Variants in FAM20C observed in about 807,000 individuals in gnomAD.
FAM20C encodes extracellular serine/threonine protein kinase FAM20C.
Under a neutral mutation model 51.5 loss-of-function variants are expected in FAM20C, and 40 were observed. The observed-to-expected ratio is 0.78, with a 90% CI of 0.60 to 1.01. FAM20C has a LOEUF of 1.01. FAM20C is among the 50% of genes least tolerant of loss of function. The pLI, the probability that FAM20C is intolerant of heterozygous loss-of-function variation, is 0.00. For missense variants in FAM20C, 861 were observed against 844.7 expected (o/e 1.02, Z -0.24); for synonymous variants, 406 against 380.6 (o/e 1.07, Z -0.78).
At chr7:226,683 C>T (rs1562382550) in intron 3 of FAM20C, among the ~76,000 whole-genome samples, 1 of 152,206 alleles carries the variant, frequency 6.6e-6, no homozygotes, top group African/African-American at 2.4e-5. Flanking sequence ...AGCCTCTGGC[C>T]TCTGAGGTCA....
At chr7:252,889 G>A (rs978553040) in intron 5 of FAM20C, among the ~76,000 whole-genome samples, 5 of 152,214 alleles carry the variant, frequency 3.3e-5, no homozygotes, top group South Asian at 2.1e-4. Context: ...GTAAGTTACC[G>A]TCTGCACGTT....
At chr7:226,880 A>T (rs1053295447) in intron 3 of FAM20C, among the ~76,000 whole-genome samples, 1 of 152,220 alleles carries the variant, frequency 6.6e-6, no homozygotes, top group Non-Finnish European at 1.5e-5. Flanking sequence ...GGAAATGAAT[A>T]AATGGTAAAA....
chr7:208,937 C>A lies in FAM20C; in HGVS notation c.824C>A (p.Thr275Asn), dbSNP rs1372873508. The change falls in exon 3 of 10, where the codon ACC (threonine) becomes AAC (asparagine). Residue 275 changes from threonine (T) to asparagine (N), a missense_variant. Thr to Asn is a moderately conservative substitution (Grantham distance 65). This residue lies in a region of FAM20C where 561 missense variants were observed against 499.8 expected (regional missense o/e 1.12). Transcript: ENST00000313766. Reference protein sequence around the residue: ...SGGTQLKLIMTFQNYGQALFK... With the variant: ...SGGTQLKLIMNFQNYGQALFK... ...GGCACGCAGCTGAAGCTCATCATGACCTTCCAGAATTACGGGCAAGCGCTG... is the reference window on the plus strand; with the variant it reads ...GGCACGCAGCTGAAGCTCATCATGAACTTCCAGAATTACGGGCAAGCGCTG... 2.5e-6 allele frequency: 4 copies of A among 1,585,348 alleles called. No homozygotes were observed. The highest frequency in any genetic ancestry group is 3.4e-6 in the Non-Finnish European group (4 of 1,165,850).
At chr7:236,083 G>A (rs1426563994) in intron 3 of FAM20C, among the ~76,000 whole-genome samples, 2 of 152,200 alleles carry the variant, frequency 1.3e-5, no homozygotes, top group Non-Finnish European at 2.9e-5. Context: ...CCAGGTGACC[G>A]CTTCGGCCGA....
chr7:214,964 T>C (rs28397017), intron 3 of FAM20C, among the ~76,000 whole-genome samples: 132,592 of 152,014 alleles, frequency 0.87, 58,123 homozygotes, highest in South Asian at 0.93. Flanking sequence ...GGAACACAGA[T>C]GTGACTCAGA....
chr7:224,491 G>A (rs1199816235), intron 3 of FAM20C, among the ~76,000 whole-genome samples: 1 of 5,276 alleles, frequency 1.9e-4, no homozygotes, highest in Non-Finnish European at 3.9e-4. Context: ...CACCGTCACG[G>A]GGGTCGCATG....
intron 6 of FAM20C, 87 bp downstream of exon 6, chr7:256,116 C>A: frequency 6.8e-7 from 1 of 1,460,888 alleles, no homozygotes; most frequent in Non-Finnish European, 9.1e-7. Flanking sequence ...TCGGCGCCCA[C>A]GGGGGTGGCA....
In FAM20C at chr7:193,127, C is replaced by T. The variant is rs889649159; in HGVS notation, c.-73C>T. The T allele has an allele frequency of 3.9e-5, 51 of 1,312,180 alleles. No homozygotes were observed. Among genetic ancestry groups the T allele is most frequent in the Non-Finnish European group, 4.7e-5 (48 of 1,014,646 alleles). 81.3% of individuals were successfully genotyped at this position (1,312,180 alleles called of 1,614,324 possible). A position where few individuals can be genotyped will look rare whatever the true frequency, so the allele number is the denominator to read the frequency against. On this transcript the variant is annotated 5_prime_UTR_variant, in exon 1 of 10. Coordinates refer to ENST00000313766, the MANE Select transcript of FAM20C (RefSeq NM_020223.4). ...GACCTTGACCCGCGAGGCGGCGCCG[C>T]GCTCGTGCCCAGCTGCAGCTAGAGG...
chr7:255,998 C>T lies in FAM20C; in HGVS notation c.1222C>T (p.Arg408Trp), dbSNP rs1377083279. The change falls in exon 6 of 10, where the codon CGG (arginine) becomes TGG (tryptophan). Residue 408 changes from arginine (R) to tryptophan (W), a missense_variant. Physicochemically the swap from Arg to Trp is moderately radical, Grantham distance 101. Coordinates refer to ENST00000313766, the MANE Select transcript of FAM20C (RefSeq NM_020223.4). The stretch of plus-strand genomic sequence containing the variant: ...GAGGAAGACCTGGCGGAACCCTTGG[C>T]GGCGTTCCTACCACAAGCGCAAGAA... ...AKRKTWRNPWRRSYHKRKKAE... is the reference protein window; with the variant it reads ...AKRKTWRNPWWRSYHKRKKAE... 3.9e-6 allele frequency: 6 copies of T among 1,535,992 alleles called. No individual in the cohort carries two copies. The highest frequency in any genetic ancestry group is 1.2e-5 in the South Asian group (1 of 84,058).
intron 3 of FAM20C, 140 bp downstream of exon 3, chr7:209,116 G>A (rs147652258): frequency 3.2e-5 from 26 of 813,632 alleles, no homozygotes; most frequent in South Asian, 7.8e-5. Context: ...AACTCTCCCC[G>A]TCATGGCAAA....
intron 3 of FAM20C, among the ~76,000 whole-genome samples, chr7:210,182 G>A (rs1368255098): frequency 6.6e-6 from 1 of 152,224 alleles, no homozygotes; most frequent in Non-Finnish European, 1.5e-5. Flanking sequence ...GAACGCACGG[G>A]AGCTGATCCG....
In FAM20C at chr7:211,550, G is replaced by A. The variant is rs369688351; in HGVS notation, c.863+2574G>A. On this transcript the variant is annotated intron_variant, in intron 3 of 9. Coordinates refer to ENST00000313766, the MANE Select transcript of FAM20C (RefSeq NM_020223.4). ...TGGTCCTGCAGCGGGCAGAGGTGGC[G>A]CCAGGCTCCAGAGCCCCCTCCCTAG... 4.3e-4 allele frequency among the ~76,000 whole-genome samples: 65 copies of A among 152,108 alleles called. No homozygotes were observed. In the East Asian group the frequency reaches 0.011, roughly 26 times the overall value.
At chr7:237,143 C>G (rs1313952335) in intron 3 of FAM20C, among the ~76,000 whole-genome samples, 1 of 152,206 alleles carries the variant, frequency 6.6e-6, no homozygotes, top group African/African-American at 2.4e-5. Context: ...GTTCTGTGAA[C>G]AGCCAGCGTC....
chr7:255,796 G>T, intron 5 of FAM20C, 53 bp from the exon 6 acceptor site: 1 of 1,531,868 alleles, frequency 6.5e-7, no homozygotes. Flanking sequence ...GAGACCACAG[G>T]TGAGGACGCA....
rs1054442210 is a variant in FAM20C, at chr7:231,706, G to A, written c.864-14709G>A. 5.3e-4 allele frequency among the ~76,000 whole-genome samples: 81 copies of A among 152,308 alleles called. 1 individual carries two copies. Among genetic ancestry groups the A allele is most frequent in the East Asian group, 3.9e-4 (2 of 5,182 alleles). On this transcript the variant is annotated intron_variant, in intron 3 of 9. Coordinates refer to ENST00000313766, the MANE Select transcript of FAM20C (RefSeq NM_020223.4). ...AGGAGCATCTGTGAGGGGCGCGTGC[G>A]TCTGGCTGAGTGGGCACCTGGCGGT...
At chr7:255,372 C>T (rs1009321224) in intron 5 of FAM20C, among the ~76,000 whole-genome samples, 1 of 152,152 alleles carries the variant, frequency 6.6e-6, no homozygotes, top group Non-Finnish European at 1.5e-5. Flanking sequence ...CCATCAGGGT[C>T]GTCTTTGGAG....
At position 246,370 on chromosome 7, in the gene FAM20C, C is replaced by T. The variant is rs990043780; in HGVS notation, c.864-45C>T. 4 of 1,495,606 alleles carry T rather than the reference C, an allele frequency of 2.7e-6. No individual in the cohort carries two copies. The African/African-American group carries it at 4.2e-5, about 16-fold the overall frequency. 92.6% of individuals were successfully genotyped at this position (1,495,606 alleles called of 1,614,324 possible). A position where few individuals can be genotyped will look rare whatever the true frequency, so the allele number is the denominator to read the frequency against. On this transcript the variant is annotated intron_variant, in intron 3 of 9. Transcript: ENST00000313766. ...CCCGCCTGCCTCCGGCCCCTGGAGG[C>T]TTTCTCAGTGACAAACCGTTTCTGT...
At chr7:224,371 C>T (rs1488289991) in intron 3 of FAM20C, among the ~76,000 whole-genome samples, 1 of 23,586 alleles carries the variant, frequency 4.2e-5, no homozygotes, top group African/African-American at 1.8e-4. Context: ...GGCACTGTCA[C>T]GGGGTCACAT....
chr7:219,893 C>T (rs1203708918), intron 3 of FAM20C, among the ~76,000 whole-genome samples: 2 of 152,210 alleles, frequency 1.3e-5, no homozygotes, highest in Non-Finnish European at 1.5e-5. Context: ...GTGGCCTCAC[C>T]GGTTCCAAAG....
Sources: gnomAD v4.1 joint callset for allele counts (sites outside exome capture counted in the v4.1 genomes callset) on GRCh38, gnomAD v4.1.1 for gene constraint, gnomAD v4.1.1 regional missense constraint, MANE v1.5 for transcripts, NCBI Gene and HGNC (gene_info 2026-07-23, HGNC 2026-07-21) for gene names.